The following ADAMTS12 variants were observed in gnomAD, a reference collection of about 807,000 sequenced individuals.
The protein encoded by ADAMTS12 is A disintegrin and metalloproteinase with thrombospondin motifs 12.
In ADAMTS12, 118 loss-of-function variants were observed where a neutral mutation model predicts 167.8. That is an observed-to-expected ratio of 0.70 (90% CI 0.61 to 0.82). The LOEUF is 0.82. Ranked by LOEUF, ADAMTS12 falls within the 40% of genes least tolerant of loss-of-function variation. The pLI is 0.00. For missense variants in ADAMTS12, 1,916 were observed against 1,998.8 expected (o/e 0.96, Z 0.79); for synonymous variants, 704 against 716.9 (o/e 0.98, Z 0.29).
intron 16 of ADAMTS12, among the ~76,000 whole-genome samples, chr5:33,608,553 T>A (rs1171246871): frequency 6.6e-6 from 1 of 152,158 alleles, no homozygotes; most frequent in Non-Finnish European, 1.5e-5. Context: ...TTCCTTTGAC[T>A]CTCTGATAGT....
chr5:33,807,920 T>C (rs577645904), intron 2 of ADAMTS12, among the ~76,000 whole-genome samples: 1 of 152,082 alleles, frequency 6.6e-6, no homozygotes, highest in African/African-American at 2.4e-5. Flanking sequence ...TCTCAGGAAA[T>C]TTCACTATAG....
chr5:33,688,211 G>C (rs867793375), intron 3 of ADAMTS12, among the ~76,000 whole-genome samples: 1 of 152,142 alleles, frequency 6.6e-6, no homozygotes, highest in Non-Finnish European at 1.5e-5. Context: ...AGAATTGCCA[G>C]GTTTGTCCAT....
chr5:33,596,255 G>C (rs569485919), intron 16 of ADAMTS12, among the ~76,000 whole-genome samples, 195 bp from the exon 17 acceptor site: 1 of 151,946 alleles, frequency 6.6e-6, no homozygotes, highest in Non-Finnish European at 1.5e-5. Flanking sequence ...CTGGCAAGAG[G>C]AGGAGGAGAG....
chr5:33,570,057 A>C (rs1746241411), intron 19 of ADAMTS12, among the ~76,000 whole-genome samples: 1 of 152,214 alleles, frequency 6.6e-6, no homozygotes, highest in African/African-American at 2.4e-5. Context: ...AAAAGAATAA[A>C]AAGGAACAAA....
At chr5:33,715,848 G>A (rs761248923) in intron 3 of ADAMTS12, among the ~76,000 whole-genome samples, 13 of 152,108 alleles carry the variant, frequency 8.5e-5, no homozygotes, top group Non-Finnish European at 1.5e-4. Context: ...AACCTTTGTT[G>A]TCAGGCCAGG....
chr5:33,650,600 T>C lies in ADAMTS12; in HGVS notation c.1191-903A>G, dbSNP rs577777586. Reference sequence around the variant, plus strand: ...TCCTAACACAGTACTCTTGTCCATGTGTCACTTGGTCTGTTCCCTGACCTT... The same window carrying C: ...TCCTAACACAGTACTCTTGTCCATGCGTCACTTGGTCTGTTCCCTGACCTT... On this transcript the variant is annotated intron_variant, in intron 7 of 23. Coordinates refer to ENST00000504830, the MANE Select transcript of ADAMTS12 (RefSeq NM_030955.4). 2.6e-5 allele frequency among the ~76,000 whole-genome samples: 4 copies of C among 152,360 alleles called. No individual in the cohort carries two copies. In the South Asian group the frequency reaches 8.3e-4, roughly 32 times the overall value.
At chr5:33,594,550 G>T (rs990854235) in intron 17 of ADAMTS12, among the ~76,000 whole-genome samples, 2 of 152,164 alleles carry the variant, frequency 1.3e-5, no homozygotes, top group African/African-American at 4.8e-5. Flanking sequence ...TGTCTTCCCT[G>T]CCTCATTCTT....
At chr5:33,852,688 C>T (rs745682567) in intron 2 of ADAMTS12, among the ~76,000 whole-genome samples, 2 of 152,104 alleles carry the variant, frequency 1.3e-5, no homozygotes, top group African/African-American at 4.8e-5. Flanking sequence ...ATGAAATTCA[C>T]TCTATTAAAG....
intron 2 of ADAMTS12, among the ~76,000 whole-genome samples, chr5:33,835,468 A>G (rs1461594227): frequency 6.6e-6 from 1 of 152,168 alleles, no homozygotes; most frequent in Non-Finnish European, 1.5e-5. Flanking sequence ...AATAACAGAA[A>G]TTTATTTCTC....
chr5:33,683,907 G>A lies in ADAMTS12; in HGVS notation c.783C>T (p.Tyr261=). ...LVVADTKMIE[Y]HGSENVESYI... ...AGGACTCCACATTCTCACTCCCATG[G>A]TATTCAATCATCTTTGTGTCGGCCA... Residue 261 remains tyrosine (Y), a synonymous_variant, in exon 4 of 24, where the codon TAC becomes TAT. Transcript: ENST00000504830. 1 of 1,602,684 alleles carries A rather than the reference G, an allele frequency of 6.2e-7. No individual in the cohort carries two copies. The highest frequency in any genetic ancestry group is 8.5e-7 in the Non-Finnish European group (1 of 1,174,648).
At chr5:33,798,064 C>A (rs929534153) in intron 2 of ADAMTS12, among the ~76,000 whole-genome samples, 3 of 152,118 alleles carry the variant, frequency 2.0e-5, no homozygotes, top group Non-Finnish European at 4.4e-5. Context: ...AACTGACTAT[C>A]CTTCTCGTTC....
rs765092911 is a variant in ADAMTS12, at chr5:33,527,383, A to G, written c.4607-17T>C. 4.3e-6 allele frequency: 7 copies of G among 1,610,448 alleles called. No homozygotes were observed. The Admixed American group carries it at 1.2e-4, about 27-fold the overall frequency. On this transcript the variant is annotated splice_polypyrimidine_tract_variant and intron_variant, in intron 23 of 23. Transcript: ENST00000504830. Reference sequence around the variant, plus strand: ...AAAGTAAATCTGTGGAAGGAGAAAAAGAATAAGAAAAAAGTCCAAAGATTA... The same window carrying G: ...AAAGTAAATCTGTGGAAGGAGAAAAGGAATAAGAAAAAAGTCCAAAGATTA...
At chr5:33,600,459 T>C (rs1738133841) in intron 16 of ADAMTS12, among the ~76,000 whole-genome samples, 1 of 152,236 alleles carries the variant, frequency 6.6e-6, no homozygotes, top group Admixed American at 6.5e-5. Flanking sequence ...GAGTTTGTTA[T>C]GGTTAATTAA....
In ADAMTS12 at chr5:33,678,319, G is replaced by A. The variant is rs115729125; in HGVS notation, c.915+4699C>T. 3.0e-3 allele frequency among the ~76,000 whole-genome samples: 453 copies of A among 152,294 alleles called. 2 individuals carry two copies. Among genetic ancestry groups the A allele is most frequent in the African/African-American group, 0.01 (430 of 41,550 alleles). ...GCACACTTTCTCCTATTTAGTATTT[G>A]AACAAATATTTATTGAGGGTCTATT... is the stretch of plus-strand genomic sequence containing the variant. On this transcript the variant is annotated intron_variant, in intron 5 of 23. Transcript: ENST00000504830.
At chr5:33,806,836 A>G (rs1049203254) in intron 2 of ADAMTS12, among the ~76,000 whole-genome samples, 8 of 152,126 alleles carry the variant, frequency 5.3e-5, no homozygotes, top group Admixed American at 2.0e-4. Context: ...TCTCCTGACG[A>G]CGGCTGTCAT....
chr5:33,549,762 G>A (rs367749031), intron 20 of ADAMTS12, among the ~76,000 whole-genome samples: 71 of 152,344 alleles, frequency 4.7e-4, no homozygotes, highest in Middle Eastern at 3.4e-3. Context: ...TGGCCATTCC[G>A]TCTGGAAGTC....
intron 20 of ADAMTS12, among the ~76,000 whole-genome samples, chr5:33,550,415 C>T (rs1277374112): frequency 1.3e-5 from 2 of 152,178 alleles, no homozygotes; most frequent in African/African-American, 4.8e-5. Context: ...CCAGACCTGG[C>T]CTGACCAGTC....
intron 16 of ADAMTS12, among the ~76,000 whole-genome samples, chr5:33,602,848 T>C (rs1738255444): frequency 6.6e-6 from 1 of 152,248 alleles, no homozygotes; most frequent in Non-Finnish European, 1.5e-5. Context: ...GAATGTGATC[T>C]AGTTTATAAT....
intron 2 of ADAMTS12, among the ~76,000 whole-genome samples, chr5:33,806,511 C>A (rs953625242): frequency 6.6e-6 from 1 of 152,162 alleles, no homozygotes; most frequent in East Asian, 1.9e-4. Context: ...TAATTTTAAA[C>A]GATTCAATGA....
Sources: gnomAD v4.1 joint callset for allele counts (sites outside exome capture counted in the v4.1 genomes callset) on GRCh38, gnomAD v4.1.1 for gene constraint, MANE v1.5 for transcripts, NCBI Gene and HGNC (gene_info 2026-07-23, HGNC 2026-07-21) for gene names.